PEX10: variants seen among roughly 807,000 people sequenced by gnomAD.
PEX10 encodes peroxisomal biogenesis factor 10.
In PEX10, 32 loss-of-function variants were observed where a neutral mutation model predicts 38.0. The observed-to-expected ratio is 0.84, with a 90% CI of 0.63 to 1.13. The LOEUF (loss-of-function observed/expected upper bound fraction) is 1.13. PEX10 is among the 50% of genes most tolerant of loss of function. The probability of loss-of-function intolerance (pLI) is 0.00; values close to 1 mark genes in which losing one functional copy is unlikely to be tolerated. For synonymous variants in PEX10, 206 were observed against 207.3 expected (o/e 0.99, Z 0.05); for missense variants, 483 against 457.7 (o/e 1.06, Z -0.51).
chr1:2,413,366 C>T (rs753802197), upstream of PEX10, among the ~76,000 whole-genome samples: 1 of 152,198 alleles, frequency 6.6e-6, no homozygotes, highest in East Asian at 1.9e-4. Context: ...GCGCTCCGAT[C>T]CCTCTGCTCC....
At chr1:2,405,985 T>C in intron 5 of PEX10, 151 bp from the exon 6 acceptor site, 1 of 731,314 alleles carries the variant, frequency 1.4e-6, no homozygotes, top group East Asian at 2.7e-5. Flanking sequence ...AAGCCAGCCT[T>C]TTTTCAGAAG....
intron 1 of PEX10, among the ~76,000 whole-genome samples, chr1:2,411,529 G>C (rs981152462): frequency 6.7e-6 from 1 of 149,592 alleles, no homozygotes; most frequent in Admixed American, 6.7e-5. Flanking sequence ...CACCACACCC[G>C]GCATCTTTTT....
chr1:2,411,586 C>G (rs1643221587), intron 1 of PEX10, among the ~76,000 whole-genome samples: 1 of 151,874 alleles, frequency 6.6e-6, no homozygotes, highest in Non-Finnish European at 1.5e-5. Context: ...GTCGCCCAGG[C>G]TGGAGTGCAG....
chr1:2,412,762 G>C (rs1046183720), upstream of PEX10, among the ~76,000 whole-genome samples: 3 of 151,856 alleles, frequency 2.0e-5, no homozygotes, highest in African/African-American at 7.2e-5. Flanking sequence ...GGCGGGGCCC[G>C]CGAGCCGAGG....
In PEX10 at chr1:2,410,275, G is replaced by A; in HGVS notation, c.193+96C>T. The A allele has an allele frequency of 9.2e-7, 1 of 1,086,916 alleles. No individual in the cohort carries two copies. The highest frequency in any genetic ancestry group is 1.4e-6 in the Non-Finnish European group (1 of 708,194). 67.3% of individuals were successfully genotyped at this position (1,086,916 alleles called of 1,614,324 possible). On this transcript the variant is annotated intron_variant, in intron 2 of 5. Coordinates refer to ENST00000447513, the MANE Select transcript of PEX10 (RefSeq NM_002617.4). The surrounding 1 kb of genome is among the most constrained non-coding windows in gnomAD (Gnocchi z 5.1). Reference sequence around the variant, plus strand: ...AGCAACCTCACCCGGGCCAGCTCCAGGAGCTTCTCACACTGCCTGGCAGCC... The same window carrying A: ...AGCAACCTCACCCGGGCCAGCTCCAAGAGCTTCTCACACTGCCTGGCAGCC...
At position 2,410,593 on chromosome 1, in the gene PEX10, C is replaced by G; in HGVS notation, c.113-142G>C. On this transcript the variant is annotated intron_variant, in intron 1 of 5. Transcript: ENST00000447513. This position sits in a 1 kb window ranked among gnomAD's most constrained non-coding sequence, Gnocchi z 5.1. Reference sequence around the variant, plus strand: ...CCAACACTCACTCCCTGGCCTCCCTCTCTGCTTCTGTCTCCGGAGGCACCA... The same window carrying G: ...CCAACACTCACTCCCTGGCCTCCCTGTCTGCTTCTGTCTCCGGAGGCACCA... The G allele has an allele frequency of 1.4e-6, 1 of 736,522 alleles. No homozygotes were observed. Among genetic ancestry groups the G allele is most frequent in the Non-Finnish European group, 2.4e-6 (1 of 421,454 alleles). 45.6% of individuals were successfully genotyped at this position (736,522 alleles called of 1,614,324 possible). A position where few individuals can be genotyped will look rare whatever the true frequency, so the allele number is the denominator to read the frequency against.
At chr1:2,407,390 T>G (rs1018509700) in intron 3 of PEX10, among the ~76,000 whole-genome samples, 5 of 152,236 alleles carry the variant, frequency 3.3e-5, no homozygotes, top group Non-Finnish European at 5.9e-5. Context: ...GCCCTCGGCT[T>G]CCCGTGTCAC....
rs190254261 is a variant in PEX10 at position 2,405,928 on chromosome 1, A to C, written c.913-94T>G. 3.7e-5 allele frequency: 35 copies of C among 944,672 alleles called. No individual in the cohort carries two copies. In the Admixed American group the frequency reaches 7.1e-4, roughly 19 times the overall value. The allele number at this position is 944,672 out of a possible 1,614,324, so 58.5% of individuals were successfully genotyped here. A position where few individuals can be genotyped will look rare whatever the true frequency, so the allele number is the denominator to read the frequency against. Reference sequence around the variant, plus strand: ...CTTTTCCTGTCCACATTCTCTGCACATGACACACAACATAAATGTTGTATT... The same window carrying C: ...CTTTTCCTGTCCACATTCTCTGCACCTGACACACAACATAAATGTTGTATT... On this transcript the variant is annotated intron_variant, in intron 5 of 5. Coordinates refer to ENST00000447513, the MANE Select transcript of PEX10 (RefSeq NM_002617.4).
rs1643136653 is a variant in PEX10, at chr1:2,409,989, G to A, written c.193+382C>T. 6 of 305,154 alleles carry A rather than the reference G, an allele frequency of 2.0e-5. No individual in the cohort carries two copies. Among genetic ancestry groups the A allele is most frequent in the South Asian group, 1.8e-4 (6 of 33,366 alleles). The allele number at this position is 305,154 out of a possible 1,614,324, so 18.9% of individuals were successfully genotyped here. A position where few individuals can be genotyped will look rare whatever the true frequency, so the allele number is the denominator to read the frequency against. ...GCTTCTGTCAACAACTCCCTCTAAAGGGTGGTGACCAGCCTGGGCCACAGA... is the reference window on the plus strand; with the variant it reads ...GCTTCTGTCAACAACTCCCTCTAAAAGGTGGTGACCAGCCTGGGCCACAGA... On this transcript the variant is annotated intron_variant, in intron 2 of 5. Coordinates refer to ENST00000447513, the MANE Select transcript of PEX10 (RefSeq NM_002617.4). The surrounding 1 kb of genome is among the most constrained non-coding windows in gnomAD (Gnocchi z 6.2).
chr1:2,408,944 T>TGACAGGAGCCAGCAGAG, intron 2 of PEX10, 86 bp from the exon 3 acceptor site: 1 of 1,365,348 alleles, frequency 7.3e-7, no homozygotes, highest in Non-Finnish European at 1.0e-6. Flanking sequence ...GACCCTCTGC[T>TGACAGGAGCCAGCAGAG]GGCTCCTGTC....
chr1:2,408,598 G>A lies in PEX10; in HGVS notation c.454C>T (p.Leu152=), dbSNP rs1643086067. ...RRWMRHHTAT[L]TEQQRRALLR... is the part of the protein sequence containing the mutation. Reference sequence around the variant, plus strand: ...AGCGCCCTCCTCTGCTGCTCAGTCAGGGTGGCCGTGTGGTGACGCATCCAG... The same window carrying A: ...AGCGCCCTCCTCTGCTGCTCAGTCAAGGTGGCCGTGTGGTGACGCATCCAG... Residue 152 remains leucine (L), a synonymous_variant, in exon 3 of 6, where the codon CTG becomes TTG. Transcript: ENST00000447513. 1 of 1,611,668 alleles carries A rather than the reference G, an allele frequency of 6.2e-7. No individual in the cohort carries two copies. The highest frequency in any genetic ancestry group is 8.5e-7 in the Non-Finnish European group (1 of 1,179,918).
At position 2,412,494 on chromosome 1, in the gene PEX10, C is replaced by G. The variant is rs977160082; in HGVS notation, c.9G>C (p.Pro3=). Residue 3 remains proline (P), a synonymous_variant, in exon 1 of 6, where the codon CCG becomes CCC. Coordinates refer to ENST00000447513, the MANE Select transcript of PEX10 (RefSeq NM_002617.4). The stretch of plus-strand genomic sequence containing the variant: ...TCACCTCCGGGGGGCTGGCGGCGGC[C>G]GGGGCCATGGCCGCGGGTTCGGGTG... MA[P]AAASPPEVIR... is the part of the protein sequence containing the mutation. 1.5e-6 allele frequency: 2 copies of G among 1,370,166 alleles called. No homozygotes were observed. The highest frequency in any genetic ancestry group is 1.7e-5 in the South Asian group (1 of 59,728). 84.9% of individuals were successfully genotyped at this position (1,370,166 alleles called of 1,614,324 possible).
At chr1:2,407,438 T>A (rs1242390300) in intron 3 of PEX10, among the ~76,000 whole-genome samples, 1 of 152,146 alleles carries the variant, frequency 6.6e-6, no homozygotes, top group Non-Finnish European at 1.5e-5. Context: ...CCAGACAGCC[T>A]CGGCCCAGGG....
rs1642964808 is a variant in PEX10, at chr1:2,405,379, A to G, written c.*387T>C. 2.7e-6 allele frequency: 1 copy of G among 374,504 alleles called. No individual in the cohort carries two copies. The highest frequency in any genetic ancestry group is 2.1e-5 in the African/African-American group (1 of 47,454). The allele number at this position is 374,504 out of a possible 1,614,324, so 23.2% of individuals were successfully genotyped here. A position where few individuals can be genotyped will look rare whatever the true frequency, so the allele number is the denominator to read the frequency against. On this transcript the variant is annotated 3_prime_UTR_variant, in exon 6 of 6. Coordinates refer to ENST00000447513, the MANE Select transcript of PEX10 (RefSeq NM_002617.4). ...CACTCATTCAGTCCATTGCCTTAAC[A>G]CAAGCCTGATGGGGCTGTTTTCTCA...
At position 2,404,014 on chromosome 1, in the gene PEX10, A is replaced by T. The variant is rs1642916972; in HGVS notation, c.*1752T>A. On this transcript the variant is annotated 3_prime_UTR_variant, in exon 6 of 6. Coordinates refer to ENST00000447513, the MANE Select transcript of PEX10 (RefSeq NM_002617.4). ...CTTTACTAAAGTCTTTACCTAAAAC[A>T]TGGCAGTCGCTGGACACAGGAAAGC... 1 of 152,252 alleles carries T rather than the reference A, an allele frequency of 6.6e-6. No homozygotes were observed. Among genetic ancestry groups the T allele is most frequent in the Admixed American group, 6.5e-5 (1 of 15,290 alleles). 9.4% of individuals were successfully genotyped at this position (152,252 alleles called of 1,614,324 possible).
At position 2,410,689 on chromosome 1, in the gene PEX10, C is replaced by T. The variant is rs570673853; in HGVS notation, c.113-238G>A. 14 of 589,118 alleles carry T rather than the reference C, an allele frequency of 2.4e-5. No individual in the cohort carries two copies. Among genetic ancestry groups the T allele is most frequent in the African/African-American group, 3.7e-5 (2 of 54,336 alleles). The allele number at this position is 589,118 out of a possible 1,614,324, so 36.5% of individuals were successfully genotyped here. ...TCCCACCTGTGCTCATCTCTTGCTC[C>T]GGGATTCCCCTGAGCAACTGTTCTA... On this transcript the variant is annotated intron_variant, in intron 1 of 5. Transcript: ENST00000447513. This position sits in a 1 kb window ranked among gnomAD's most constrained non-coding sequence, Gnocchi z 5.1.
chr1:2,408,789 G>A lies in PEX10; in HGVS notation c.263C>T (p.Ser88Phe). The A allele has an allele frequency of 1.2e-6, 2 of 1,614,036 alleles. No individual in the cohort carries two copies. The highest frequency in any genetic ancestry group is 1.7e-6 in the Non-Finnish European group (2 of 1,179,938). ...QVDPSRIHVP[S>F]SLRRGVLVTL... The stretch of plus-strand genomic sequence containing the variant: ...CACCAGCACGCCACGGCGCAGCGAG[G>A]AGGGCACATGTATCCGCGATGGGTC... The change falls in exon 3 of 6, where the codon TCC (serine) becomes TTC (phenylalanine). Residue 88 changes from serine to phenylalanine, a missense_variant. By Grantham distance (155) the Ser-to-Phe change is radical. Transcript: ENST00000447513.
chr1:2,412,471 A>G lies in PEX10; in HGVS notation c.32T>C (p.Val11Ala). The change falls in exon 1 of 6, where the codon GTG (valine) becomes GCG (alanine). Residue 11 changes from valine (V) to alanine (A), a missense_variant. Coordinates refer to ENST00000447513, the MANE Select transcript of PEX10 (RefSeq NM_002617.4). MAPAAASPPE[V>A]IRAAQKDEYY... ...CTCGTCCTTCTGCGCCGCGCGGATC[A>G]CCTCCGGGGGGCTGGCGGCGGCCGG... The G allele has an allele frequency of 7.2e-7, 1 of 1,397,776 alleles. No individual in the cohort carries two copies. 86.6% of individuals were successfully genotyped at this position (1,397,776 alleles called of 1,614,324 possible).
chr1:2,411,204 A>AC (rs1643191733), intron 1 of PEX10, among the ~76,000 whole-genome samples: 1 of 105,416 alleles, frequency 9.5e-6, no homozygotes, highest in African/African-American at 3.7e-5. Flanking sequence ...TGCCTGCCCC[A>AC]CCCCCCAAAG....
Sources: gnomAD v4.1 joint callset for allele counts (sites outside exome capture counted in the v4.1 genomes callset) on GRCh38, gnomAD v4.1.1 for gene constraint, Gnocchi (gnomAD v3.1) non-coding constraint, MANE v1.5 for transcripts, NCBI Gene and HGNC (gene_info 2026-07-23, HGNC 2026-07-21) for gene names.